Variants in ARHGAP21 observed in about 807,000 individuals in gnomAD.
The protein encoded by ARHGAP21 is rho GTPase-activating protein 21.
Under a neutral mutation model 164.6 loss-of-function variants are expected in ARHGAP21, and 38 were observed. The observed-to-expected ratio is 0.23, with a 90% CI of 0.18 to 0.30. The LOEUF is 0.30. Among genes scored for constraint, ARHGAP21 ranks in the 10% least tolerant of loss-of-function variants. ARHGAP21 has a pLI of 1.00. For missense variants in ARHGAP21, 1,822 were observed against 2,370.7 expected, an observed-to-expected ratio of 0.77 and a Z score of 4.81; for synonymous variants, 766 against 857.9, an observed-to-expected ratio of 0.89 and a Z score of 1.87.
At chr10:24,688,927 G>A (rs1375929052) in intron 2 of ARHGAP21, among the ~76,000 whole-genome samples, 5 of 152,142 alleles carry the variant, frequency 3.3e-5, no homozygotes, top group African/African-American at 1.2e-4. Context: ...TTTGCTGAAA[G>A]ATAGCTTAGA....
In ARHGAP21 at chr10:24,584,310, G is replaced by T. The variant is rs570100677; in HGVS notation, c.*102C>A. ...GCAAAATGATGAAACCAGCCCAAAT[G>T]AAGGCTGCATAATAACAATTCTGAT... On this transcript the variant is annotated 3_prime_UTR_variant, in exon 26 of 26. Transcript: ENST00000396432. 42 of 1,361,104 alleles carry T rather than the reference G, an allele frequency of 3.1e-5. No individual in the cohort carries two copies. In the East Asian group the frequency reaches 9.5e-4, roughly 31 times the overall value. 84.3% of individuals were successfully genotyped at this position (1,361,104 alleles called of 1,614,324 possible).
chr10:24,711,512 A>G (rs1844813228), intron 2 of ARHGAP21, among the ~76,000 whole-genome samples: 1 of 152,226 alleles, frequency 6.6e-6, no homozygotes. Flanking sequence ...CCTGTTTCAC[A>G]TGAAGGATAA....
chr10:24,662,886 C>A (rs1283187937), intron 4 of ARHGAP21, among the ~76,000 whole-genome samples: 1 of 152,116 alleles, frequency 6.6e-6, no homozygotes, highest in Non-Finnish European at 1.5e-5. Context: ...ACCTGTTAGA[C>A]CCCTGATGGT....
intron 9 of ARHGAP21, among the ~76,000 whole-genome samples, chr10:24,619,086 TA>T (rs1204815736): frequency 6.6e-6 from 1 of 152,188 alleles, no homozygotes; most frequent in African/African-American, 2.4e-5. Context: ...TTTTAGAAAG[TA>T]AAAGCACTGT....
At chr10:24,587,810 A>G (rs1312950438) in intron 25 of ARHGAP21, among the ~76,000 whole-genome samples, 3 of 152,074 alleles carry the variant, frequency 2.0e-5, no homozygotes, top group South Asian at 2.1e-4. Context: ...CTATGATCAT[A>G]TATGTGTTGA....
chr10:24,607,953 A>ATAAT, intron 9 of ARHGAP21, 50 bp from the exon 10 acceptor site: 1 of 1,508,094 alleles, frequency 6.6e-7, no homozygotes, highest in Non-Finnish European at 8.9e-7. Flanking sequence ...ATTGTTATTA[A>ATAAT]TAATAAAACT....
intron 24 of ARHGAP21, chr10:24,590,683 A>G (rs891885945): frequency 1.5e-4 from 198 of 1,326,162 alleles, no homozygotes; most frequent in Non-Finnish European, 1.8e-4. Flanking sequence ...AACAGGAAAC[A>G]GAAGAAAATA....
At chr10:24,636,998 A>G (rs761826494) in intron 4 of ARHGAP21, among the ~76,000 whole-genome samples, 22 of 152,254 alleles carry the variant, frequency 1.4e-4, no homozygotes, top group Non-Finnish European at 2.6e-4. Context: ...TAATTATTCA[A>G]TGAATTAATA....
chr10:24,689,388 G>C (rs1842501533), intron 2 of ARHGAP21, among the ~76,000 whole-genome samples: 1 of 152,116 alleles, frequency 6.6e-6, no homozygotes, highest in African/African-American at 2.4e-5. Context: ...TCCCCGTCTA[G>C]AGAAAATTAT....
Position 24,635,068 on chromosome 10 carries a change from T to A in ARHGAP21, c.304A>T (p.Ile102Leu), listed in dbSNP as rs1183152144. The A allele has an allele frequency of 6.2e-7, 1 of 1,603,152 alleles. No individual in the cohort carries two copies. ...CCTTCTTTAACTTGCTTAACAAATA[T>A]GGTATCCATTGGTTCCAAGCGGTTT... The part of the protein sequence containing the change: ...QRNRLEPMDT[I>L]FVKQVKEGGP... The change falls in exon 5 of 26, where the codon ATA (isoleucine) becomes TTA (leucine). Residue 102 changes from isoleucine (I) to leucine (L), a missense_variant. By Grantham distance (5) the Ile-to-Leu change is conservative (BLOSUM62 2). Around this residue, in one of 5 missense-constraint regions of ARHGAP21, gnomAD observed 1,090 missense variants for 1,378.9 expected, o/e 0.79. Coordinates refer to ENST00000396432, the MANE Select transcript of ARHGAP21 (RefSeq NM_020824.4).
intron 12 of ARHGAP21, among the ~76,000 whole-genome samples, chr10:24,603,537 A>C (rs2130932143): frequency 6.6e-6 from 1 of 152,320 alleles, no homozygotes; most frequent in Non-Finnish European, 1.5e-5. Context: ...TGCAGACAAC[A>C]GTGAGTGAAT....
intron 2 of ARHGAP21, among the ~76,000 whole-genome samples, chr10:24,681,962 C>T (rs1841804646): frequency 6.6e-6 from 1 of 152,012 alleles, no homozygotes; most frequent in African/African-American, 2.4e-5. Flanking sequence ...TAAGTTGTGG[C>T]TCGTGGACAA....
intron 2 of ARHGAP21, among the ~76,000 whole-genome samples, chr10:24,682,589 C>T (rs1253030177): frequency 2.0e-5 from 3 of 151,918 alleles, no homozygotes; most frequent in Non-Finnish European, 4.4e-5. Flanking sequence ...GTTTAAATTC[C>T]CACTGAGAGA....
At position 24,594,939 on chromosome 10, in the gene ARHGAP21, A is replaced by G. The variant is rs1438086265; in HGVS notation, c.3876+11T>C. The stretch of plus-strand genomic sequence containing the variant: ...CTAAAAGTACATTTCTTCAATAAGC[A>G]TTTTACATACCTTATTTTTTTCTGA... On this transcript the variant is annotated intron_variant, in intron 21 of 25. Transcript: ENST00000396432. The G allele has an allele frequency of 3.8e-6, 6 of 1,588,512 alleles. No homozygotes were observed. Among genetic ancestry groups the G allele is most frequent in the Non-Finnish European group, 3.4e-6 (4 of 1,161,022 alleles).
At chr10:24,712,101 A>G (rs1844889373) in intron 2 of ARHGAP21, among the ~76,000 whole-genome samples, 1 of 152,070 alleles carries the variant, frequency 6.6e-6, no homozygotes, top group Admixed American at 6.6e-5. Context: ...TTTTTAGCAG[A>G]GATAGGGTTT....
chr10:24,621,014 G>C lies in ARHGAP21; in HGVS notation c.881C>G (p.Pro294Arg), dbSNP rs368996204. 1.2e-6 allele frequency: 2 copies of C among 1,614,010 alleles called. No homozygotes were observed. The stretch of plus-strand genomic sequence containing the variant: ...CCTCACTTCTTCAGTTCTATGTGAA[G>C]GACCTGTATGGTTGTTTCTATTGGA... ...LLSNRNNHTGPSHRTEEVRYG... is the reference protein window; with the variant it reads ...LLSNRNNHTGRSHRTEEVRYG... The change falls in exon 9 of 26, where the codon CCT (proline) becomes CGT (arginine). Residue 294 changes from proline to arginine, a missense_variant. This residue lies in a region of ARHGAP21 where 1,090 missense variants were observed against 1,378.9 expected (regional missense o/e 0.79). Transcript: ENST00000396432.
At chr10:24,699,526 TGTTG>T (rs531163997) in intron 2 of ARHGAP21, among the ~76,000 whole-genome samples, 2 of 152,172 alleles carry the variant, frequency 1.3e-5, no homozygotes, top group African/African-American at 4.8e-5. Context: ...GGTTTCACCA[TGTTG>T]GCCAGGCTGG....
chr10:24,585,899 T>C lies in ARHGAP21; in HGVS notation c.4390A>G (p.Thr1464Ala), dbSNP rs61735170. The change falls in exon 26 of 26, where the codon ACA becomes GCA. Residue 1464 changes from threonine to alanine, a missense_variant. Thr to Ala is a moderately conservative substitution (Grantham distance 58). This residue lies in a region of ARHGAP21 where 333 missense variants were observed against 383.9 expected (regional missense o/e 0.87). Coordinates refer to ENST00000396432, the MANE Select transcript of ARHGAP21 (RefSeq NM_020824.4). Reference protein sequence around the residue: ...TKEESKKESETLGRKQKIIIA... With the variant: ...TKEESKKESEALGRKQKIIIA... ...ATGATCTTCTGTTTTCTGCCCAGTG[T>C]CTCACTTTCTTTTTTGGACTCCTCT... 8.1e-6 allele frequency: 13 copies of C among 1,613,980 alleles called. No individual in the cohort carries two copies. The Admixed American group carries it at 2.2e-4, about 27-fold the overall frequency.
chr10:24,706,555 T>C (rs370729555), intron 2 of ARHGAP21: 4 of 152,664 alleles, frequency 2.6e-5, no homozygotes, highest in African/African-American at 4.8e-5. Context: ...CAAACTCCAA[T>C]TGTGGTTGAT....
Sources: allele counts gnomAD v4.1 joint callset (sites outside exome capture counted in the v4.1 genomes callset), GRCh38; gene constraint gnomAD v4.1.1; regional missense constraint gnomAD v4.1.1; transcripts MANE v1.5; gene names NCBI Gene and HGNC (gene_info 2026-07-23, HGNC 2026-07-21).